The following RIMS1 variants were observed in gnomAD, a reference collection of about 807,000 sequenced individuals.
RIMS1 encodes the protein regulating synaptic membrane exocytosis protein 1.
RIMS1 carries 83 observed loss-of-function variants against 214.1 expected under a neutral mutation model. The ratio of observed to expected loss-of-function variants is 0.39; its 90% CI spans 0.32 to 0.47. RIMS1 has a LOEUF of 0.47. RIMS1 is among the 20% of genes least tolerant of loss of function. RIMS1 has a pLI of 0.99. For missense variants in RIMS1, 2,050 were observed against 2,161.8 expected, an observed-to-expected ratio of 0.95 and a Z score of 1.03; for synonymous variants, 793 against 786.8, an observed-to-expected ratio of 1.01 and a Z score of -0.13.
intron 2 of RIMS1, among the ~76,000 whole-genome samples, chr6:72,010,286 A>G (rs1208661389): frequency 6.6e-6 from 1 of 152,226 alleles, no homozygotes; most frequent in Non-Finnish European, 1.5e-5. Context: ...ACAGCCCTTC[A>G]TGCTAAAAAC....
At chr6:72,272,664 C>T (rs1487938110) in intron 22 of RIMS1, among the ~76,000 whole-genome samples, 2 of 152,050 alleles carry the variant, frequency 1.3e-5, no homozygotes, top group Non-Finnish European at 1.5e-5. Context: ...TAAATAAGCA[C>T]AAGGACTGGA....
chr6:71,908,967 A>G (rs983466907), intron 1 of RIMS1, among the ~76,000 whole-genome samples: 1 of 152,122 alleles, frequency 6.6e-6, no homozygotes, highest in Non-Finnish European at 1.5e-5. Flanking sequence ...ATATATCAAT[A>G]TTTAGATTCT....
chr6:72,377,987 AT>A (rs2154412853), intron 29 of RIMS1, among the ~76,000 whole-genome samples: 1 of 152,246 alleles, frequency 6.6e-6, no homozygotes, highest in African/African-American at 2.4e-5. Flanking sequence ...CTGCCTCTCC[AT>A]TGTGAATTGG....
chr6:71,961,709 C>G (rs1002403549), intron 1 of RIMS1, among the ~76,000 whole-genome samples: 5 of 150,760 alleles, frequency 3.3e-5, no homozygotes, highest in African/African-American at 1.2e-4. Flanking sequence ...TCTAGAAATT[C>G]CTTACTTCTC....
intron 6 of RIMS1, among the ~76,000 whole-genome samples, chr6:72,184,251 C>T (rs948495451): frequency 2.0e-5 from 3 of 151,990 alleles, no homozygotes; most frequent in African/African-American, 7.3e-5. Flanking sequence ...CAAGAAGCAA[C>T]GTCATGACAT....
chr6:71,989,913 G>C lies in RIMS1; in HGVS notation c.245+20850G>C, dbSNP rs535257383. Among the ~76,000 whole-genome samples, 12 of 152,250 alleles carry C rather than the reference G, an allele frequency of 7.9e-5. No individual in the cohort carries two copies. In the South Asian group the frequency reaches 2.3e-3, roughly 29 times the overall value. The stretch of plus-strand genomic sequence containing the variant: ...ACTAACCCTCACTCAAAGTGTTCCA[G>C]GGACATATGGCTTCTGATCTCAGAG... On this transcript the variant is annotated intron_variant, in intron 2 of 33. Transcript: ENST00000521978.
chr6:72,302,279 C>T (rs970557420), intron 26 of RIMS1, among the ~76,000 whole-genome samples: 1 of 151,464 alleles, frequency 6.6e-6, no homozygotes, highest in African/African-American at 2.4e-5. Flanking sequence ...TAAACAATTC[C>T]TATTTCTCTA....
intron 29 of RIMS1, among the ~76,000 whole-genome samples, chr6:72,362,512 A>G (rs891020215): frequency 2.6e-5 from 4 of 152,196 alleles, no homozygotes; most frequent in Admixed American, 2.6e-4. Flanking sequence ...TAAAATGTAT[A>G]CTTATGTGTA....
intron 4 of RIMS1, among the ~76,000 whole-genome samples, chr6:72,114,095 T>G (rs768557604): frequency 2.6e-5 from 4 of 152,118 alleles, no homozygotes; most frequent in Non-Finnish European, 5.9e-5. Context: ...AACTCATTGT[T>G]GAACTGTAGC....
At chr6:71,913,684 A>G (rs1777558750) in intron 1 of RIMS1, among the ~76,000 whole-genome samples, 1 of 152,100 alleles carries the variant, frequency 6.6e-6, no homozygotes, top group Non-Finnish European at 1.5e-5. Flanking sequence ...GAAGAATTTT[A>G]ACATATGGGT....
chr6:71,936,124 G>A (rs1431548810), intron 1 of RIMS1, among the ~76,000 whole-genome samples: 2 of 151,736 alleles, frequency 1.3e-5, no homozygotes, highest in Non-Finnish European at 2.9e-5. Flanking sequence ...GCCGAGGCGG[G>A]CGGATCACGA....
intron 6 of RIMS1, among the ~76,000 whole-genome samples, chr6:72,218,412 C>G (rs1003850462): frequency 6.6e-6 from 1 of 152,158 alleles, no homozygotes. Flanking sequence ...TTCAAGAGGT[C>G]TACTTTGTGC....
At chr6:72,033,458 T>C (rs1370049973) in intron 2 of RIMS1, among the ~76,000 whole-genome samples, 2 of 152,124 alleles carry the variant, frequency 1.3e-5, no homozygotes, top group African/African-American at 4.8e-5. Flanking sequence ...CAAATTTCAG[T>C]GGTCATCTCT....
intron 1 of RIMS1, among the ~76,000 whole-genome samples, chr6:71,921,410 C>T (rs1779948548): frequency 6.6e-6 from 1 of 152,210 alleles, no homozygotes; most frequent in South Asian, 2.1e-4. Context: ...TGAGCCACCG[C>T]ACCCACAAGC....
At chr6:72,047,285 A>G (rs1701441531) in intron 2 of RIMS1, among the ~76,000 whole-genome samples, 2 of 152,206 alleles carry the variant, frequency 1.3e-5, no homozygotes, top group South Asian at 4.1e-4. Context: ...GAGAAGCACC[A>G]TTGTGACACT....
At chr6:71,907,999 A>G (rs533307701) in intron 1 of RIMS1, among the ~76,000 whole-genome samples, 4 of 152,256 alleles carry the variant, frequency 2.6e-5, no homozygotes, top group South Asian at 2.1e-4. Flanking sequence ...TGCCTTTATT[A>G]TAGCAGGCAT....
At chr6:71,911,918 C>T (rs1777045587) in intron 1 of RIMS1, among the ~76,000 whole-genome samples, 1 of 152,058 alleles carries the variant, frequency 6.6e-6, no homozygotes, top group African/African-American at 2.4e-5. Flanking sequence ...GTTTAAGACC[C>T]CTGGGAGTGA....
chr6:71,997,754 G>C (rs1039997683), intron 2 of RIMS1, among the ~76,000 whole-genome samples: 10 of 152,104 alleles, frequency 6.6e-5, no homozygotes, highest in African/African-American at 9.7e-5. Flanking sequence ...GCTAATACAG[G>C]CTCCTATTTT....
At chr6:71,935,642 G>T (rs1005103018) in intron 1 of RIMS1, among the ~76,000 whole-genome samples, 2 of 152,024 alleles carry the variant, frequency 1.3e-5, no homozygotes, top group East Asian at 1.9e-4. Flanking sequence ...CCTATTTATT[G>T]CTCTGTCTGT....
Sources: allele counts gnomAD v4.1 joint callset (sites outside exome capture counted in the v4.1 genomes callset), GRCh38; gene constraint gnomAD v4.1.1; transcripts MANE v1.5; gene names NCBI Gene and HGNC (gene_info 2026-07-23, HGNC 2026-07-21).